The following PTPRT variants were observed in gnomAD, a reference collection of about 807,000 sequenced individuals.
PTPRT encodes the protein receptor-type tyrosine-protein phosphatase T.
A neutral mutation model predicts 176.8 loss-of-function variants in PTPRT; 56 were observed. The observed-to-expected ratio is 0.32, with a 90% CI of 0.26 to 0.40. PTPRT has a LOEUF of 0.40. PTPRT is among the 10% of genes least tolerant of loss of function. The pLI, the probability that PTPRT is intolerant of heterozygous loss-of-function variation, is 1.00. For missense variants in PTPRT, 1,540 were observed against 1,908.2 expected, an observed-to-expected ratio of 0.81 and a Z score of 3.60; for synonymous variants, 783 against 739.0, an observed-to-expected ratio of 1.06 and a Z score of -0.96.
chr20:42,049,281 G>A, the PTPRT span, among the ~76,000 whole-genome samples: 1 of 152,320 alleles, frequency 6.6e-6, no homozygotes, highest in African/African-American at 2.4e-5. Flanking sequence ...CATGCAGTAG[G>A]TGCTCAGCAA....
chr20:42,106,759 C>T (rs755798068), intron 24 of PTPRT, 27 bp downstream of exon 24: 7 of 1,606,802 alleles, frequency 4.4e-6, no homozygotes, highest in Non-Finnish European at 5.1e-6. Context: ...TACAGGTGGC[C>T]AACTGTCTTG....
intron 9 of PTPRT, among the ~76,000 whole-genome samples, chr20:42,392,068 C>T (rs1247981256): frequency 6.6e-6 from 1 of 152,170 alleles, no homozygotes; most frequent in African/African-American, 2.4e-5. Flanking sequence ...CTTGTTCTAT[C>T]CCACTGTTAT....
rs1340954831 is a variant in PTPRT, at chr20:42,211,293, A to T, written c.2343-11905T>A. Among the ~76,000 whole-genome samples, 12 of 148,298 alleles carry T rather than the reference A, an allele frequency of 8.1e-5. No individual in the cohort carries two copies. The South Asian group carries it at 8.7e-4, about 11-fold the overall frequency. On this transcript the variant is annotated intron_variant, in intron 15 of 30. Transcript: ENST00000373187. ...ATGGCAACAAAAGACAAAATTGACA[A>T]ATGGGATCTAATTAAACTAAAGAGC...
chr20:43,127,434 A>T (rs2013489386), intron 1 of PTPRT, among the ~76,000 whole-genome samples: 3 of 151,938 alleles, frequency 2.0e-5, no homozygotes, highest in African/African-American at 7.3e-5. Context: ...AAAAAAAAAA[A>T]AAAAATAGCT....
chr20:42,690,613 T>G (rs2075778015), intron 6 of PTPRT, among the ~76,000 whole-genome samples: 1 of 152,134 alleles, frequency 6.6e-6, no homozygotes, highest in Non-Finnish European at 1.5e-5. Flanking sequence ...CTACCTCAAT[T>G]TCCCTGTGCA....
chr20:42,551,542 A>G (rs1230741177), intron 7 of PTPRT, among the ~76,000 whole-genome samples: 1 of 152,258 alleles, frequency 6.6e-6, no homozygotes, highest in East Asian at 1.9e-4. Flanking sequence ...TTTTCCCTCT[A>G]TGCAAAATGT....
chr20:42,756,344 G>C (rs1600703297), intron 6 of PTPRT, 118 bp downstream of exon 6: 1 of 1,133,658 alleles, frequency 8.8e-7, no homozygotes, highest in East Asian at 2.9e-5. Context: ...AGAGTGACTA[G>C]AAATTAATCT....
At chr20:42,979,256 T>C (rs963242907) in intron 1 of PTPRT, among the ~76,000 whole-genome samples, 5 of 152,198 alleles carry the variant, frequency 3.3e-5, no homozygotes, top group Admixed American at 3.3e-4. Flanking sequence ...TTTTGTTGCT[T>C]ATTAGTGTTC....
chr20:42,771,685 G>C, intron 4 of PTPRT, 135 bp from the exon 5 acceptor site: 1 of 672,422 alleles, frequency 1.5e-6, no homozygotes. Flanking sequence ...GCTCAGTCAA[G>C]ATTTCATTGA....
chr20:43,172,300 C>A (rs1233488051), intron 1 of PTPRT, among the ~76,000 whole-genome samples: 1 of 152,194 alleles, frequency 6.6e-6, no homozygotes, highest in Non-Finnish European at 1.5e-5. Context: ...CCTAAAGTAA[C>A]AGCTATAAAA....
At chr20:42,493,831 C>T (rs1434110730) in intron 7 of PTPRT, among the ~76,000 whole-genome samples, 1 of 151,832 alleles carries the variant, frequency 6.6e-6, no homozygotes, top group Non-Finnish European at 1.5e-5. Context: ...TGAAGCCCAG[C>T]ATCCTCTTTT....
rs1170642503 is a variant in PTPRT, at chr20:43,090,328, C to CAT, written c.88+99317_88+99318insAT. Among the ~76,000 whole-genome samples, 654 of 150,330 alleles carry CAT rather than the reference C, an allele frequency of 4.4e-3. 1 individual carries two copies. The highest frequency in any genetic ancestry group is 7.5e-3 in the Non-Finnish European group (510 of 67,844). On this transcript the variant is annotated intron_variant, in intron 1 of 30. Coordinates refer to ENST00000373187, the MANE Select transcript of PTPRT (RefSeq NM_007050.6). ...TGTCGCCCAGGCTGGAGTGCAGTGG[C>CAT]GCCATCTCAGCTCACTGCAAGCTCC...
intron 7 of PTPRT, among the ~76,000 whole-genome samples, chr20:42,609,110 G>A (rs1470521980): frequency 6.6e-6 from 1 of 152,074 alleles, no homozygotes; most frequent in African/African-American, 2.4e-5. Flanking sequence ...GTCTCCTTCT[G>A]TCACCCAGGT....
chr20:42,070,856 G>A (rs994092337), downstream of PTPRT, among the ~76,000 whole-genome samples: 2 of 152,120 alleles, frequency 1.3e-5, no homozygotes, highest in Non-Finnish European at 2.9e-5. Flanking sequence ...GGGGAAAGAT[G>A]ATATGCCCCC....
intron 13 of PTPRT, among the ~76,000 whole-genome samples, chr20:42,274,380 A>T (rs2056990423): frequency 6.6e-6 from 1 of 152,180 alleles, no homozygotes; most frequent in African/African-American, 2.4e-5. Context: ...GGAGTTGGGT[A>T]TTAGCTTGTT....
At chr20:42,921,226 A>G (rs952091646) in intron 1 of PTPRT, among the ~76,000 whole-genome samples, 2 of 152,228 alleles carry the variant, frequency 1.3e-5, no homozygotes, top group Non-Finnish European at 2.9e-5. Context: ...TCTGTTTTCC[A>G]AAATTTCTGA....
chr20:42,581,327 AC>A (rs2073366792), intron 7 of PTPRT, among the ~76,000 whole-genome samples: 1 of 152,080 alleles, frequency 6.6e-6, no homozygotes, highest in Non-Finnish European at 1.5e-5. Flanking sequence ...TTCTCTTACT[AC>A]CTTTTAGCAT....
intron 7 of PTPRT, among the ~76,000 whole-genome samples, chr20:42,580,662 A>G (rs1172864428): frequency 6.6e-6 from 1 of 152,118 alleles, no homozygotes; most frequent in East Asian, 1.9e-4. Flanking sequence ...TTCTCTTTGA[A>G]GCAATTGTGA....
At chr20:43,127,190 A>G (rs1055665358) in intron 1 of PTPRT, among the ~76,000 whole-genome samples, 7 of 151,982 alleles carry the variant, frequency 4.6e-5, no homozygotes, top group Non-Finnish European at 1.0e-4. Flanking sequence ...TTGGGAGGCA[A>G]AGGCGGGCGG....
Sources: gnomAD v4.1 joint callset for allele counts (sites outside exome capture counted in the v4.1 genomes callset) on GRCh38, gnomAD v4.1.1 for gene constraint, MANE v1.5 for transcripts, NCBI Gene and HGNC (gene_info 2026-07-23, HGNC 2026-07-21) for gene names.